The following PTPRD variants were observed in gnomAD, a reference collection of about 807,000 sequenced individuals.
PTPRD encodes the protein receptor-type tyrosine-protein phosphatase delta.
A neutral mutation model predicts 214.5 loss-of-function variants in PTPRD; 34 were observed. That is an observed-to-expected ratio of 0.16 (90% CI 0.12 to 0.21). PTPRD has a LOEUF of 0.21. PTPRD is among the 10% of genes least tolerant of loss of function. The pLI, the probability that PTPRD is intolerant of heterozygous loss-of-function variation, is 1.00. For synonymous variants in PTPRD, 1,128 were observed against 845.7 expected (o/e 1.33, Z -5.79); for missense variants, 2,545 against 2,398.7 (o/e 1.06, Z -1.27).
At chr9:8,336,689 T>G (rs1310176602) in intron 43 of PTPRD, among the ~76,000 whole-genome samples, 1 of 142,446 alleles carries the variant, frequency 7.0e-6, no homozygotes, top group Non-Finnish European at 1.5e-5. Context: ...TGGGAGGAAA[T>G]TTTTGCTATC....
chr9:8,527,311 G>A, intron 16 of PTPRD, 34 bp downstream of exon 16: 1 of 1,595,904 alleles, frequency 6.3e-7, no homozygotes, highest in Non-Finnish European at 8.6e-7. Flanking sequence ...GGAAATTAGT[G>A]GGGTTGAAGT....
intron 11 of PTPRD, among the ~76,000 whole-genome samples, chr9:8,807,105 C>T (rs934645055): frequency 2.6e-5 from 4 of 151,988 alleles, no homozygotes; most frequent in African/African-American, 9.7e-5. Context: ...GGGAGGCCGA[C>T]GCAGGTGGAT....
intron 9 of PTPRD, among the ~76,000 whole-genome samples, chr9:9,366,939 G>C (rs1415945202): frequency 6.6e-6 from 1 of 150,796 alleles, no homozygotes; most frequent in Non-Finnish European, 1.5e-5. Context: ...TGTATAACTG[G>C]TTTTGGAAAT....
At chr9:9,272,812 C>T (rs1435509875) in intron 9 of PTPRD, among the ~76,000 whole-genome samples, 2 of 151,236 alleles carry the variant, frequency 1.3e-5, no homozygotes, top group African/African-American at 4.8e-5. Flanking sequence ...TGGCCATGTT[C>T]TCCAAACTCT....
At chr9:10,431,841 C>A (rs1314125110) in intron 2 of PTPRD, among the ~76,000 whole-genome samples, 2 of 151,988 alleles carry the variant, frequency 1.3e-5, no homozygotes. Flanking sequence ...GTTGGTGGGA[C>A]TGTAAACTAG....
At chr9:9,907,018 G>C (rs1034158839) in intron 5 of PTPRD, among the ~76,000 whole-genome samples, 2 of 151,738 alleles carry the variant, frequency 1.3e-5, no homozygotes, top group African/African-American at 2.4e-5. Context: ...AATTACCTAA[G>C]TTTTCTTATT....
chr9:9,324,809 G>A (rs966466246), intron 9 of PTPRD, among the ~76,000 whole-genome samples: 3 of 152,176 alleles, frequency 2.0e-5, no homozygotes, highest in Admixed American at 2.0e-4. Flanking sequence ...TTCCTCTAGG[G>A]TTTTTATGGT....
At chr9:8,649,809 CTT>C (rs2096769208) in intron 12 of PTPRD, among the ~76,000 whole-genome samples, 1 of 152,102 alleles carries the variant, frequency 6.6e-6, no homozygotes, top group Non-Finnish European at 1.5e-5. Flanking sequence ...AATATTATGA[CTT>C]TTAAAATATT....
At chr9:10,110,894 G>T (rs1371344361) in intron 3 of PTPRD, among the ~76,000 whole-genome samples, 2 of 152,130 alleles carry the variant, frequency 1.3e-5, no homozygotes, top group Admixed American at 6.5e-5. Context: ...AGCTTAACAA[G>T]AATTTTAGTG....
intron 2 of PTPRD, among the ~76,000 whole-genome samples, chr9:10,369,943 A>T (rs1352941834): frequency 1.3e-5 from 2 of 152,152 alleles, no homozygotes; most frequent in South Asian, 4.1e-4. Context: ...GCTTAATTAT[A>T]TGCGAGGCAT....
chr9:8,514,962 C>T (rs1434267472), intron 21 of PTPRD, among the ~76,000 whole-genome samples: 2 of 152,156 alleles, frequency 1.3e-5, no homozygotes, highest in African/African-American at 4.8e-5. Context: ...TCTCTCCTGC[C>T]ACCATGTGGA....
intron 39 of PTPRD, among the ~76,000 whole-genome samples, chr9:8,342,851 A>C (rs1324157543): frequency 2.6e-5 from 4 of 152,142 alleles, no homozygotes; most frequent in African/African-American, 9.7e-5. Flanking sequence ...TTTCTAAACA[A>C]GAAAGAAAAA....
At chr9:10,245,886 G>A (rs2092001200) in intron 3 of PTPRD, among the ~76,000 whole-genome samples, 1 of 151,942 alleles carries the variant, frequency 6.6e-6, no homozygotes, top group Non-Finnish European at 1.5e-5. Context: ...AGAATGAGGT[G>A]GCATGTGAGA....
intron 10 of PTPRD, among the ~76,000 whole-genome samples, chr9:9,170,924 T>C (rs550260083): frequency 6.6e-6 from 1 of 152,286 alleles, no homozygotes; most frequent in Admixed American, 6.5e-5. Context: ...TAAGTCCAGA[T>C]GCAAGTGTGG....
chr9:9,632,831 A>T (rs2095635504), intron 7 of PTPRD, among the ~76,000 whole-genome samples: 1 of 152,176 alleles, frequency 6.6e-6, no homozygotes, highest in African/African-American at 2.4e-5. Flanking sequence ...GGTTTGGAAG[A>T]CTTCCCAGAG....
At chr9:9,435,887 G>T (rs1235616050) in intron 8 of PTPRD, among the ~76,000 whole-genome samples, 1 of 152,092 alleles carries the variant, frequency 6.6e-6, no homozygotes, top group South Asian at 2.1e-4. Context: ...GAAAAGCAAA[G>T]TAATGGAAAT....
chr9:10,275,833 C>T (rs2094653216), intron 3 of PTPRD, among the ~76,000 whole-genome samples: 1 of 152,022 alleles, frequency 6.6e-6, no homozygotes, highest in Non-Finnish European at 1.5e-5. Context: ...ATTTGTGATG[C>T]CCCAAGTGGA....
At chr9:10,022,930 TC>T (rs1297407553) in intron 4 of PTPRD, among the ~76,000 whole-genome samples, 1 of 152,180 alleles carries the variant, frequency 6.6e-6, no homozygotes, top group African/African-American at 2.4e-5. Flanking sequence ...TTTTTATGCT[TC>T]CAGAAACATC....
At chr9:8,555,138 C>A (rs755068753) in intron 14 of PTPRD, among the ~76,000 whole-genome samples, 1 of 152,116 alleles carries the variant, frequency 6.6e-6, no homozygotes, top group Admixed American at 6.5e-5. Context: ...TCAAAGGGGC[C>A]AGGTGTGGTG....
Sources: allele counts gnomAD v4.1 joint callset (sites outside exome capture counted in the v4.1 genomes callset), GRCh38; gene constraint gnomAD v4.1.1; transcripts MANE v1.5; gene names NCBI Gene and HGNC (gene_info 2026-07-23, HGNC 2026-07-21).